Variants in GSE1 observed in about 807,000 individuals in gnomAD.
GSE1 encodes the protein Gse1 coiled-coil protein.
In GSE1, 32 loss-of-function variants were observed where a neutral mutation model predicts 112.6. The ratio of observed to expected loss-of-function variants is 0.28; its 90% CI spans 0.21 to 0.38. The LOEUF is 0.38. Ranked by LOEUF, GSE1 falls within the 10% of genes least tolerant of loss-of-function variation. GSE1 has a pLI of 1.00. For synonymous variants in GSE1, 1,115 were observed against 735.6 expected (o/e 1.52, Z -8.35); for missense variants, 2,348 against 1,699.2 (o/e 1.38, Z -6.71).
intron 2 of GSE1, among the ~76,000 whole-genome samples, chr16:85,510,822 A>G (rs8050492): frequency 3.4e-4 from 21 of 62,582 alleles, no homozygotes; most frequent in East Asian, 2.6e-3. Flanking sequence ...TCATGGCTCC[A>G]GCCTCAGGGC....
At chr16:85,383,269 C>G (rs2047600754) in intron 2 of GSE1, among the ~76,000 whole-genome samples, 1 of 151,986 alleles carries the variant, frequency 6.6e-6, no homozygotes, top group Admixed American at 6.6e-5. Flanking sequence ...CTTGAGCATA[C>G]ACACAGTTCC....
chr16:85,455,378 CAA>C (rs2049796954), intron 2 of GSE1, among the ~76,000 whole-genome samples: 1 of 146,382 alleles, frequency 6.8e-6, no homozygotes, highest in Non-Finnish European at 1.5e-5. Flanking sequence ...CCTGGCATTA[CAA>C]AAGAGAGAGA....
At chr16:85,487,081 C>G (rs1322679319) in intron 2 of GSE1, among the ~76,000 whole-genome samples, 1 of 152,112 alleles carries the variant, frequency 6.6e-6, no homozygotes, top group Non-Finnish European at 1.5e-5. Context: ...ATTCCAGAAG[C>G]TTCCAGAGGC....
chr16:85,286,983 G>T (rs1434255464), intron 1 of GSE1, among the ~76,000 whole-genome samples: 1 of 152,216 alleles, frequency 6.6e-6, no homozygotes, highest in African/African-American at 2.4e-5. Context: ...GGGGGCCGCG[G>T]GCTCCAGCGG....
intron 1 of GSE1, among the ~76,000 whole-genome samples, chr16:85,189,574 A>G (rs2074780670): frequency 6.6e-6 from 1 of 152,268 alleles, no homozygotes; most frequent in Non-Finnish European, 1.5e-5. Context: ...AAGTTCTAAG[A>G]GACATCACTG....
chr16:85,313,993 T>A (rs1387743152), intron 1 of GSE1, among the ~76,000 whole-genome samples: 84 of 151,652 alleles, frequency 5.5e-4, no homozygotes, highest in African/African-American at 1.9e-3. Flanking sequence ...TGTGTATGTG[T>A]GTGTGTGTGA....
rs771783420 is a variant in GSE1 at position 85,672,714 on chromosome 16, A to T, written c.*175A>T. On this transcript the variant is annotated 3_prime_UTR_variant, in exon 16 of 16. Transcript: ENST00000253458. The stretch of plus-strand genomic sequence containing the variant: ...AATGAATGAACTCACCTTGACGTCA[A>T]TGCAATTGAATCACCGTTGTCATTC... 1 of 436,326 alleles carries T rather than the reference A, an allele frequency of 2.3e-6. No individual in the cohort carries two copies. Among genetic ancestry groups the T allele is most frequent in the African/African-American group, 2.0e-5 (1 of 50,366 alleles). 27.0% of individuals were successfully genotyped at this position (436,326 alleles called of 1,614,324 possible).
At chr16:85,202,119 C>G (rs1397659375) in intron 1 of GSE1, among the ~76,000 whole-genome samples, 1 of 152,190 alleles carries the variant, frequency 6.6e-6, no homozygotes, top group African/African-American at 2.4e-5. Context: ...GGAAGTGCTC[C>G]CCTGTTAGGC....
At chr16:85,525,577 G>A (rs1246965579) in intron 2 of GSE1, among the ~76,000 whole-genome samples, 3 of 152,214 alleles carry the variant, frequency 2.0e-5, no homozygotes, top group African/African-American at 7.2e-5. Flanking sequence ...CCAAATGGGG[G>A]GTGTCACTGC....
chr16:85,284,280 C>T (rs1349417438), intron 1 of GSE1, among the ~76,000 whole-genome samples: 1 of 152,224 alleles, frequency 6.6e-6, no homozygotes, highest in Non-Finnish European at 1.5e-5. Flanking sequence ...AAGAACATGA[C>T]AGCAGAGAAG....
intron 2 of GSE1, among the ~76,000 whole-genome samples, chr16:85,429,664 C>T (rs7202278): frequency 0.58 from 88,104 of 152,104 alleles, 27,308 homozygotes; most frequent in Non-Finnish European, 0.7. Flanking sequence ...GCTCCAGCCC[C>T]ACAGGCCTCC....
intron 2 of GSE1, among the ~76,000 whole-genome samples, chr16:85,430,585 C>T (rs2049095918): frequency 6.6e-6 from 1 of 152,196 alleles, no homozygotes; most frequent in South Asian, 2.1e-4. Context: ...CACACAGCGG[C>T]GTTCAGCCCT....
At chr16:85,342,702 T>C (rs2046650220) in intron 1 of GSE1, among the ~76,000 whole-genome samples, 1 of 152,094 alleles carries the variant, frequency 6.6e-6, no homozygotes. Context: ...CTGAGCCACA[T>C]CTAAACAGGG....
chr16:85,377,133 G>A (rs2047439047), intron 2 of GSE1, among the ~76,000 whole-genome samples: 4 of 152,232 alleles, frequency 2.6e-5, no homozygotes, highest in Non-Finnish European at 5.9e-5. Context: ...TGTGGATGAC[G>A]GGGTACCCCT....
At chr16:85,554,184 T>G (rs2045079215), upstream of GSE1, among the ~76,000 whole-genome samples, 2 of 152,030 alleles carry the variant, frequency 1.3e-5, no homozygotes, top group Admixed American at 6.6e-5. Context: ...CGTGGGTAAA[T>G]GGATCCTGTC....
intron 2 of GSE1, among the ~76,000 whole-genome samples, chr16:85,422,035 C>T (rs1437118146): frequency 6.6e-6 from 1 of 152,126 alleles, no homozygotes; most frequent in African/African-American, 2.4e-5. Context: ...GGCAGAACTC[C>T]CGCCCCACGG....
At chr16:85,222,659 A>G (rs909068877) in intron 1 of GSE1, among the ~76,000 whole-genome samples, 2 of 152,164 alleles carry the variant, frequency 1.3e-5, no homozygotes, top group African/African-American at 4.8e-5. Context: ...CTCCAACACA[A>G]ATGAAGTCCA....
At chr16:85,629,309 A>G (rs1490325808) in intron 1 of GSE1, among the ~76,000 whole-genome samples, 3 of 152,184 alleles carry the variant, frequency 2.0e-5, no homozygotes, top group African/African-American at 7.2e-5. Flanking sequence ...GTCATAGCAC[A>G]TCTGCCCGGG....
chr16:85,540,047 C>A (rs966922362), intron 2 of GSE1, among the ~76,000 whole-genome samples: 1 of 152,168 alleles, frequency 6.6e-6, no homozygotes, highest in East Asian at 1.9e-4. Context: ...GCCTATAATT[C>A]CAGCTTCCAA....
Sources: gnomAD v4.1 joint callset for allele counts (sites outside exome capture counted in the v4.1 genomes callset) on GRCh38, gnomAD v4.1.1 for gene constraint, MANE v1.5 for transcripts, NCBI Gene and HGNC (gene_info 2026-07-23, HGNC 2026-07-21) for gene names.